UGT1A8: variants seen among roughly 807,000 people sequenced by gnomAD.
UGT1A8 encodes UDP-glucuronosyltransferase 1A8.
UGT1A8 carries 39 observed loss-of-function variants against 45.3 expected under a neutral mutation model. That is an observed-to-expected ratio of 0.86 (90% CI 0.67 to 1.12). The LOEUF (loss-of-function observed/expected upper bound fraction) is 1.12, where lower values mean the gene tolerates loss of function less well. Among genes scored for constraint, UGT1A8 ranks in the 50% most tolerant of loss-of-function variants. The pLI, the probability that UGT1A8 is intolerant of heterozygous loss-of-function variation, is 0.00. For missense variants in UGT1A8, 719 were observed against 664.9 expected (o/e 1.08, Z -0.90); for synonymous variants, 275 against 249.2 (o/e 1.10, Z -0.97).
intron 1 of UGT1A8, chr2:233,692,102 G>C: frequency 6.6e-6 from 1 of 152,094 alleles, no homozygotes; most frequent in Non-Finnish European, 1.5e-5. Flanking sequence ...ATCACCGATG[G>C]GCAACAATCT....
intron 1 of UGT1A8, among the ~76,000 whole-genome samples, chr2:233,733,416 G>C (rs570726599): frequency 6.6e-6 from 1 of 152,104 alleles, no homozygotes; most frequent in Non-Finnish European, 1.5e-5. Context: ...TCCAGTTTTC[G>C]CCTACTCAGT....
intron 1 of UGT1A8, chr2:233,743,631 G>A: frequency 7.3e-7 from 1 of 1,367,310 alleles, no homozygotes; most frequent in South Asian, 1.1e-5. Flanking sequence ...ACGTCGGCTG[G>A]GTCGCGGAAG....
chr2:233,767,294 T>C, intron 2 of UGT1A8, 129 bp downstream of exon 2: 2 of 1,552,282 alleles, frequency 1.3e-6, no homozygotes, highest in Non-Finnish European at 1.7e-6. Context: ...TTCCCAACTA[T>C]TAATCCAAAG....
chr2:233,672,338 A>T (rs370181544), intron 1 of UGT1A8: 1 of 1,614,142 alleles, frequency 6.2e-7, no homozygotes, highest in Non-Finnish European at 8.5e-7. Flanking sequence ...AAATTAGTAG[A>T]ATACTTAAAG....
rs997006332 is a variant in UGT1A8, at chr2:233,773,053, G to C, written c.*494G>C. 2 of 178,736 alleles carry C rather than the reference G, an allele frequency of 1.1e-5. No individual in the cohort carries two copies. The highest frequency in any genetic ancestry group is 4.8e-5 in the African/African-American group (2 of 42,000). The allele number at this position is 178,736 out of a possible 1,614,324, so 11.1% of individuals were successfully genotyped here. ...AAAGAAGGGAAGCTTTGTACCTTTA[G>C]AGTGTAGGTGAAATGAATGAATGGC... On this transcript the variant is annotated 3_prime_UTR_variant, in exon 5 of 5. Coordinates refer to ENST00000373450, the MANE Select transcript of UGT1A8 (RefSeq NM_019076.5).
At chr2:233,747,242 T>G in intron 1 of UGT1A8, 1 of 1,603,440 alleles carries the variant, frequency 6.2e-7, no homozygotes. Context: ...GTTCCCCTGC[T>G]GTGGCTGGCC....
intron 1 of UGT1A8, chr2:233,730,056 T>G (rs1178732328): frequency 1.2e-6 from 2 of 1,611,614 alleles, no homozygotes. Flanking sequence ...AAAAATGTAT[T>G]TATTTAAAAT....
At chr2:233,743,688 A>T (rs1211697299) in intron 1 of UGT1A8, 1 of 1,367,244 alleles carries the variant, frequency 7.3e-7, no homozygotes, top group African/African-American at 1.5e-5. Flanking sequence ...CCGCCTGTGC[A>T]GCCGCCCTCC....
intron 1 of UGT1A8, among the ~76,000 whole-genome samples, chr2:233,684,485 G>A (rs1229597052): frequency 1.3e-5 from 2 of 151,942 alleles, no homozygotes; most frequent in Non-Finnish European, 2.9e-5. Context: ...TGGCTCAAAG[G>A]GTCACCCAAA....
intron 1 of UGT1A8, chr2:233,636,353 T>G: frequency 9.4e-6 from 11 of 1,164,786 alleles, no homozygotes; most frequent in African/African-American, 1.6e-5. Context: ...GATACTCGTG[T>G]GTTATCGTTC....
intron 1 of UGT1A8, among the ~76,000 whole-genome samples, chr2:233,762,788 C>T (rs553369718): frequency 6.6e-6 from 1 of 151,422 alleles, no homozygotes; most frequent in East Asian, 1.9e-4. Context: ...ATTATCTACT[C>T]ATTACTCAGC....
intron 1 of UGT1A8, chr2:233,691,864 GA>G (rs1433694796): frequency 6.4e-6 from 1 of 157,024 alleles, no homozygotes; most frequent in Non-Finnish European, 1.4e-5. Context: ...TGTATAATAA[GA>G]AATATATGTT....
chr2:233,618,713 C>A, intron 1 of UGT1A8, 151 bp downstream of exon 1: 1 of 1,436,786 alleles, frequency 7.0e-7, no homozygotes, highest in Non-Finnish European at 9.2e-7. Flanking sequence ...TTTATGTACT[C>A]ATCAGTTATC....
intron 1 of UGT1A8, among the ~76,000 whole-genome samples, chr2:233,701,182 A>G (rs1030234250): frequency 6.6e-6 from 1 of 152,142 alleles, no homozygotes. Context: ...ATAAACATAC[A>G]TGTGCATGTG....
chr2:233,719,326 CTG>C, intron 1 of UGT1A8: 1 of 1,613,946 alleles, frequency 6.2e-7, no homozygotes. Context: ...TCGATTCCTG[CTG>C]TGTTTTTTTG....
chr2:233,694,161 CAG>C (rs1316707108), intron 1 of UGT1A8, among the ~76,000 whole-genome samples: 2 of 152,146 alleles, frequency 1.3e-5, no homozygotes, highest in African/African-American at 4.8e-5. Context: ...CCAGTTCAAA[CAG>C]AGGTGAAGGC....
intron 1 of UGT1A8, chr2:233,718,700 T>C: frequency 1.0e-5 from 16 of 1,599,044 alleles, no homozygotes; most frequent in Non-Finnish European, 1.3e-5. Flanking sequence ...GAGGGCACTT[T>C]GTCTTCCAAT....
At chr2:233,704,040 A>C (rs2075765017) in intron 1 of UGT1A8, among the ~76,000 whole-genome samples, 1 of 151,878 alleles carries the variant, frequency 6.6e-6, no homozygotes, top group African/African-American at 2.4e-5. Context: ...ACAGGTGTGC[A>C]CCAACATGCC....
chr2:233,723,429 C>T (rs1350384184), intron 1 of UGT1A8, among the ~76,000 whole-genome samples: 7 of 134,596 alleles, frequency 5.2e-5, no homozygotes, highest in African/African-American at 1.5e-4. Context: ...AGGCTGGTCT[C>T]GAACTCCTGA....
Sources: allele counts gnomAD v4.1 joint callset (sites outside exome capture counted in the v4.1 genomes callset), GRCh38; gene constraint gnomAD v4.1.1; transcripts MANE v1.5; gene names NCBI Gene and HGNC (gene_info 2026-07-23, HGNC 2026-07-21).